MBNL2: variants seen among roughly 807,000 people sequenced by gnomAD.
MBNL2 encodes the protein muscleblind like splicing regulator 2, also known as muscleblind-like protein 2.
Under a neutral mutation model 41.9 loss-of-function variants are expected in MBNL2, and 17 were observed. That is an observed-to-expected ratio of 0.41 (90% CI 0.28 to 0.61). MBNL2 has a LOEUF of 0.61. Ranked by LOEUF, MBNL2 falls within the 20% of genes least tolerant of loss-of-function variation. MBNL2 has a pLI of 0.35. For missense variants in MBNL2, 336 were observed against 505.6 expected (o/e 0.66, Z 3.22); for synonymous variants, 195 against 182.9 (o/e 1.07, Z -0.53).
At chr13:97,152,377 A>T in the MBNL2 span, among the ~76,000 whole-genome samples, 1 of 152,258 alleles carries the variant, frequency 6.6e-6, no homozygotes, top group East Asian at 1.9e-4. Flanking sequence ...AGGAAAAAAA[A>T]TCCAAGAAAT....
chr13:97,329,139 G>A lies in MBNL2; in HGVS notation c.175-5137G>A, dbSNP rs983774769. The stretch of plus-strand genomic sequence containing the variant: ...AGTATTCTGTATTAGAATCTTTCAT[G>A]GTTGCTGATTTTAATAAAATTAATT... On this transcript the variant is annotated intron_variant, in intron 2 of 8. Transcript: ENST00000679496. 7.2e-5 allele frequency among the ~76,000 whole-genome samples: 11 copies of A among 152,034 alleles called. No individual in the cohort carries two copies. In the South Asian group the frequency reaches 1.9e-3, roughly 26 times the overall value.
In MBNL2 at chr13:97,343,450, A is replaced by G. The variant is rs138103320; in HGVS notation, c.540+234A>G. Among the ~76,000 whole-genome samples, 230 of 152,342 alleles carry G rather than the reference A, an allele frequency of 1.5e-3. 2 individuals carry two copies. Among genetic ancestry groups the G allele is most frequent in the African/African-American group, 5.0e-3 (206 of 41,582 alleles). ...TTTAACACAAAAATCAGCTGCATGGAATATGCGTTTAAGGGAAAAATATTA... is the reference window on the plus strand; with the variant it reads ...TTTAACACAAAAATCAGCTGCATGGGATATGCGTTTAAGGGAAAAATATTA... On this transcript the variant is annotated intron_variant, in intron 4 of 8. Coordinates refer to ENST00000679496, the MANE Select transcript of MBNL2 (RefSeq NM_001382683.1).
chr13:97,244,485 G>A (rs1266128500), intron 1 of MBNL2, among the ~76,000 whole-genome samples: 1 of 152,246 alleles, frequency 6.6e-6, no homozygotes, highest in Non-Finnish European at 1.5e-5. Context: ...CTTATAGTCA[G>A]TATGAATCCC....
the MBNL2 span, among the ~76,000 whole-genome samples, chr13:97,185,173 G>C: frequency 6.6e-6 from 1 of 152,162 alleles, no homozygotes; most frequent in Admixed American, 6.5e-5. Flanking sequence ...TTATATCCAT[G>C]ATGTCCTGAA....
intron 1 of MBNL2, among the ~76,000 whole-genome samples, chr13:97,251,699 TC>T (rs2046539476): frequency 6.6e-6 from 1 of 152,208 alleles, no homozygotes; most frequent in Non-Finnish European, 1.5e-5. Flanking sequence ...AATTGGTGAA[TC>T]GATTGGTGAA....
chr13:97,210,418 C>G, the MBNL2 span, among the ~76,000 whole-genome samples: 1 of 151,962 alleles, frequency 6.6e-6, no homozygotes, highest in African/African-American at 2.4e-5. Flanking sequence ...TGTGGCATAG[C>G]TTGTGGTTTT....
At chr13:97,341,591 T>C (rs2061443992) in intron 3 of MBNL2, among the ~76,000 whole-genome samples, 1 of 152,160 alleles carries the variant, frequency 6.6e-6, no homozygotes, top group South Asian at 2.1e-4. Flanking sequence ...AAAGTGGATT[T>C]TACGTCTGAG....
At chr13:97,360,183 G>A (rs995188433) in intron 7 of MBNL2, among the ~76,000 whole-genome samples, 1 of 152,100 alleles carries the variant, frequency 6.6e-6, no homozygotes, top group Non-Finnish European at 1.5e-5. Context: ...ACATAAATAT[G>A]AAACAAAAAT....
At chr13:97,267,549 C>G (rs1226596877) in intron 1 of MBNL2, among the ~76,000 whole-genome samples, 2 of 152,146 alleles carry the variant, frequency 1.3e-5, no homozygotes, top group African/African-American at 4.8e-5. Context: ...GGATGGGGCA[C>G]TACAAAGCAG....
the MBNL2 span, among the ~76,000 whole-genome samples, chr13:97,176,142 C>T: frequency 5.9e-5 from 9 of 152,136 alleles, no homozygotes; most frequent in African/African-American, 2.2e-4. Flanking sequence ...AGTTAAATCT[C>T]AGCATATCCT....
At chr13:97,176,966 TATAGAGA>T in the MBNL2 span, among the ~76,000 whole-genome samples, 556 of 151,908 alleles carry the variant, frequency 3.7e-3, 1 homozygote, top group Non-Finnish European at 6.5e-3. Context: ...AGAAAAAAAA[TATAGAGA>T]ATAAACAAAT....
At chr13:97,218,772 A>C (rs553434776), upstream of MBNL2, among the ~76,000 whole-genome samples, 1 of 152,014 alleles carries the variant, frequency 6.6e-6, no homozygotes, top group Non-Finnish European at 1.5e-5. Flanking sequence ...AAGAAGAGGA[A>C]GAAGAGAAAA....
intron 1 of MBNL2, among the ~76,000 whole-genome samples, chr13:97,269,079 G>T (rs2050406134): frequency 6.6e-6 from 1 of 152,178 alleles, no homozygotes; most frequent in Non-Finnish European, 1.5e-5. Context: ...TGCCTGAGGA[G>T]AAAAAGGAGA....
intron 1 of MBNL2, among the ~76,000 whole-genome samples, chr13:97,230,946 CAG>C (rs1249431973): frequency 1.3e-5 from 2 of 152,162 alleles, no homozygotes; most frequent in Admixed American, 1.3e-4. Flanking sequence ...CACTAATAAG[CAG>C]AGAGAGTATT....
the MBNL2 span, among the ~76,000 whole-genome samples, chr13:97,167,890 T>C: frequency 6.6e-6 from 1 of 152,196 alleles, no homozygotes; most frequent in East Asian, 1.9e-4. Flanking sequence ...CAAATTAAAT[T>C]AATATATTGT....
the MBNL2 span, among the ~76,000 whole-genome samples, chr13:97,185,193 G>C: frequency 6.6e-6 from 1 of 152,174 alleles, no homozygotes; most frequent in Non-Finnish European, 1.5e-5. Context: ...ATTACTCTAA[G>C]AAGAATCCCA....
chr13:97,258,824 T>A (rs777457547), intron 1 of MBNL2, among the ~76,000 whole-genome samples: 3 of 152,168 alleles, frequency 2.0e-5, no homozygotes, highest in Non-Finnish European at 4.4e-5. Flanking sequence ...AGATCACAGA[T>A]CTTAGGAAGG....
At chr13:97,153,513 T>A in the MBNL2 span, among the ~76,000 whole-genome samples, 6 of 152,206 alleles carry the variant, frequency 3.9e-5, no homozygotes, top group Non-Finnish European at 7.3e-5. Context: ...TTGGGATTTT[T>A]AAAAAATGAA....
At chr13:97,171,925 C>T in the MBNL2 span, among the ~76,000 whole-genome samples, 5 of 152,256 alleles carry the variant, frequency 3.3e-5, no homozygotes, top group East Asian at 1.9e-4. Flanking sequence ...TCTCTCTTTG[C>T]CTGCTGCTAT....
Sources: gnomAD v4.1 joint callset for allele counts (sites outside exome capture counted in the v4.1 genomes callset) on GRCh38, gnomAD v4.1.1 for gene constraint, MANE v1.5 for transcripts, NCBI Gene and HGNC (gene_info 2026-07-23, HGNC 2026-07-21) for gene names.